Variants in MIS18BP1 observed in about 807,000 individuals in gnomAD.
MIS18BP1 encodes mis18-binding protein 1.
MIS18BP1 carries 72 observed loss-of-function variants against 116.1 expected under a neutral mutation model. That is an observed-to-expected ratio of 0.62 (90% CI 0.51 to 0.75). MIS18BP1 has a LOEUF of 0.75. MIS18BP1 is among the 30% of genes least tolerant of loss of function. MIS18BP1 has a pLI of 0.00. For missense variants in MIS18BP1, 1,363 were observed against 1,303.2 expected (o/e 1.05, Z -0.71); for synonymous variants, 386 against 427.0 (o/e 0.90, Z 1.18).
chr14:45,216,999 A>G lies in MIS18BP1; in HGVS notation c.3003+20T>C. 1 of 1,608,674 alleles carries G rather than the reference A, an allele frequency of 6.2e-7. No homozygotes were observed. Among genetic ancestry groups the G allele is most frequent in the Non-Finnish European group, 8.5e-7 (1 of 1,176,814 alleles). ...AAAAGTCAATACAGATAAGGAAAACAATGATTTCATGCCTCTTACCAGTAT... is the reference window on the plus strand; with the variant it reads ...AAAAGTCAATACAGATAAGGAAAACGATGATTTCATGCCTCTTACCAGTAT... On this transcript the variant is annotated intron_variant, in intron 13 of 16. Coordinates refer to ENST00000310806, the MANE Select transcript of MIS18BP1 (RefSeq NM_018353.5).
rs1277358433 is a variant in MIS18BP1 at position 45,242,865 on chromosome 14, T to C, written c.554A>G (p.Gln185Arg). 1 of 1,599,942 alleles carries C rather than the reference T, an allele frequency of 6.3e-7. No individual in the cohort carries two copies. The highest frequency in any genetic ancestry group is 1.1e-5 in the South Asian group (1 of 88,948). Residue 185 changes from glutamine (Q) to arginine (R), a missense_variant, in exon 3 of 17, where the codon CAA becomes CGA. Gln to Arg is a conservative substitution (Grantham distance 43). Transcript: ENST00000310806. ...SDDSSLRASVQGVPLESSNND... is the reference protein window; with the variant it reads ...SDDSSLRASVRGVPLESSNND... ...ATTTGATGATTCTAGAGGAACTCCT[T>C]GGACTGAGGCTAAGGTTTTATTTTT...
At chr14:45,235,602 A>C (rs5028033) in intron 6 of MIS18BP1, among the ~76,000 whole-genome samples, 324 of 151,910 alleles carry the variant, frequency 2.1e-3, no homozygotes, top group African/African-American at 6.7e-3. Context: ...AAAAAAAAAA[A>C]AAAAACAAAA....
Position 45,210,405 on chromosome 14 carries a change from G to T in MIS18BP1, c.3127C>A (p.Pro1043Thr). 6.2e-7 allele frequency: 1 copy of T among 1,613,796 alleles called. No homozygotes were observed. Among genetic ancestry groups the T allele is most frequent in the Non-Finnish European group, 8.5e-7 (1 of 1,179,846 alleles). Residue 1043 changes from proline (P) to threonine (T), a missense_variant, in exon 14 of 17, where the codon CCT becomes ACT. By Grantham distance (38) the Pro-to-Thr change is conservative. Transcript: ENST00000310806. ...VKTPQCQHVS[P>T]GMLGSINRND... ...CTATTTATAGAACCTAGCATGCCAG[G>T]ACTGACATGCTGACATTGAGGAGTT...
chr14:45,252,787 T>G (rs1891914976), intron 1 of MIS18BP1, among the ~76,000 whole-genome samples: 1 of 151,172 alleles, frequency 6.6e-6, no homozygotes, highest in Non-Finnish European at 1.5e-5. Context: ...AAAAAAAAAT[T>G]TATTTTAGAA....
chr14:45,247,572 C>T (rs1479516238), intron 1 of MIS18BP1, among the ~76,000 whole-genome samples, 195 bp from the exon 2 acceptor site: 2 of 151,782 alleles, frequency 1.3e-5, no homozygotes, highest in Admixed American at 6.6e-5. Flanking sequence ...ATGGTGTACA[C>T]GCCTGTAGTC....
chr14:45,230,182 G>A (rs759802455), intron 8 of MIS18BP1, among the ~76,000 whole-genome samples: 2 of 152,150 alleles, frequency 1.3e-5, no homozygotes, highest in African/African-American at 4.8e-5. Flanking sequence ...CAGCAGAAAT[G>A]TTTACAACAT....
chr14:45,251,827 G>A (rs564230397), intron 1 of MIS18BP1, among the ~76,000 whole-genome samples: 308 of 152,320 alleles, frequency 2.0e-3, no homozygotes, highest in South Asian at 0.013. Flanking sequence ...CTAAAACAGT[G>A]AGATTTCTTT....
At chr14:45,252,470 A>T (rs1270710988) in intron 1 of MIS18BP1, among the ~76,000 whole-genome samples, 2 of 152,240 alleles carry the variant, frequency 1.3e-5, no homozygotes, top group African/African-American at 4.8e-5. Context: ...ACCAAATTGT[A>T]AACAGTGTTT....
At chr14:45,208,196 TAA>T (rs1890572044) in intron 14 of MIS18BP1, among the ~76,000 whole-genome samples, 1 of 152,242 alleles carries the variant, frequency 6.6e-6, no homozygotes, top group African/African-American at 2.4e-5. Flanking sequence ...TCTTAATTTA[TAA>T]CTTTCCTTAT....
intron 8 of MIS18BP1, among the ~76,000 whole-genome samples, chr14:45,228,304 CA>C (rs151282997): frequency 2.0e-5 from 3 of 151,790 alleles, no homozygotes; most frequent in Admixed American, 6.6e-5. Flanking sequence ...TTTTTTCCTT[CA>C]AAAAAAATTT....
At chr14:45,212,456 AC>A (rs1246231609) in intron 13 of MIS18BP1, among the ~76,000 whole-genome samples, 2 of 151,692 alleles carry the variant, frequency 1.3e-5, no homozygotes, top group Non-Finnish European at 2.9e-5. Flanking sequence ...GGGCCTCCCC[AC>A]CCCCCACCAG....
chr14:45,218,186 A>G, intron 12 of MIS18BP1, 96 bp downstream of exon 12: 2 of 1,278,080 alleles, frequency 1.6e-6, no homozygotes, highest in Non-Finnish European at 2.2e-6. Flanking sequence ...GAAAATACCT[A>G]TTAATATTCA....
intron 15 of MIS18BP1, 32 bp downstream of exon 15, chr14:45,206,051 T>C (rs1216778985): frequency 7.9e-6 from 11 of 1,390,414 alleles, no homozygotes; most frequent in Admixed American, 5.4e-5. Context: ...AGTTGTTTCA[T>C]AGATATGTAT....
Position 45,217,011 on chromosome 14 carries a change from C to A in MIS18BP1, c.3003+8G>T, listed in dbSNP as rs1890836057. ...AGATAAGGAAAACAATGATTTCATG[C>A]CTCTTACCAGTATTCTTTGATGCTG... On this transcript the variant is annotated splice_region_variant and intron_variant, in intron 13 of 16. Coordinates refer to ENST00000310806, the MANE Select transcript of MIS18BP1 (RefSeq NM_018353.5). 1.2e-6 allele frequency: 2 copies of A among 1,612,250 alleles called. No homozygotes were observed. Among genetic ancestry groups the A allele is most frequent in the South Asian group, 2.2e-5 (2 of 90,842 alleles).
At chr14:45,221,782 T>C (rs1890983882) in intron 11 of MIS18BP1, among the ~76,000 whole-genome samples, 1 of 152,242 alleles carries the variant, frequency 6.6e-6, no homozygotes, top group African/African-American at 2.4e-5. Context: ...TGTTCAGTTC[T>C]ATATCCCTGC....
chr14:45,237,232 C>A (rs1056575428), intron 5 of MIS18BP1, among the ~76,000 whole-genome samples: 11 of 151,996 alleles, frequency 7.2e-5, no homozygotes, highest in Admixed American at 7.2e-4. Flanking sequence ...AATATGTAGC[C>A]GTATGGCAAA....
At chr14:45,213,232 T>C (rs1402828657) in intron 13 of MIS18BP1, among the ~76,000 whole-genome samples, 4 of 152,282 alleles carry the variant, frequency 2.6e-5, no homozygotes, top group South Asian at 2.1e-4. Flanking sequence ...GAGGTAAGAA[T>C]TGTGGTTTCT....
intron 16 of MIS18BP1, 39 bp from the exon 17 acceptor site, chr14:45,204,251 A>G: frequency 6.4e-7 from 1 of 1,560,392 alleles, no homozygotes; most frequent in Non-Finnish European, 8.7e-7. Flanking sequence ...ATAAATTTCT[A>G]AAAGTACTTT....
chr14:45,225,921 C>A (rs1304136706), intron 10 of MIS18BP1, among the ~76,000 whole-genome samples: 1 of 152,048 alleles, frequency 6.6e-6, no homozygotes, highest in Non-Finnish European at 1.5e-5. Context: ...AGAAAAGAAG[C>A]CTCTAAATTA....
Sources: gnomAD v4.1 joint callset for allele counts (sites outside exome capture counted in the v4.1 genomes callset) on GRCh38, gnomAD v4.1.1 for gene constraint, MANE v1.5 for transcripts, NCBI Gene and HGNC (gene_info 2026-07-23, HGNC 2026-07-21) for gene names.